Variants in PGAP2 observed in about 807,000 individuals in gnomAD.
PGAP2 encodes acyltransferase PGAP2.
Under a neutral mutation model 33.2 loss-of-function variants are expected in PGAP2, and 21 were observed. The ratio of observed to expected loss-of-function variants is 0.63; its 90% CI spans 0.45 to 0.91. The LOEUF (loss-of-function observed/expected upper bound fraction) is 0.91, where lower values mean the gene tolerates loss of function less well. Ranked by LOEUF, PGAP2 falls within the 40% of genes least tolerant of loss-of-function variation. The pLI is 0.00. For missense variants in PGAP2, 345 were observed against 424.0 expected, an observed-to-expected ratio of 0.81 and a Z score of 1.64; for synonymous variants, 161 against 172.9, an observed-to-expected ratio of 0.93 and a Z score of 0.54.
Position 3,817,337 on chromosome 11 carries a change from C to T in PGAP2, c.166-16C>T. ...TGTCCTACCAGGCCCCAAGTTGTAT[C>T]CCTCGTGCTGCTTAGGCCACGCCCT... On this transcript the variant is annotated splice_polypyrimidine_tract_variant and intron_variant, in intron 2 of 6. Transcript: ENST00000278243. The T allele has an allele frequency of 1.2e-6, 2 of 1,601,258 alleles. No homozygotes were observed. The highest frequency in any genetic ancestry group is 1.7e-6 in the Non-Finnish European group (2 of 1,172,930).
chr11:3,808,642 C>T lies in PGAP2; in HGVS notation c.-20C>T. 1.6e-6 allele frequency: 2 copies of T among 1,279,484 alleles called. No homozygotes were observed. The highest frequency in any genetic ancestry group is 2.0e-6 in the Non-Finnish European group (2 of 1,008,258). 79.3% of individuals were successfully genotyped at this position (1,279,484 alleles called of 1,614,324 possible). A position where few individuals can be genotyped will look rare whatever the true frequency, so the allele number is the denominator to read the frequency against. On this transcript the variant is annotated 5_prime_UTR_variant, in exon 1 of 7. Transcript: ENST00000278243. ...CGGGTTCCGCCGGCACTCTCGCCAC[C>T]ACCGCGTGGGTGAGTATGGGCATGG...
intron 5 of PGAP2, 40 bp from the exon 6 acceptor site, chr11:3,824,980 C>G (rs369838828): frequency 1.9e-6 from 3 of 1,613,188 alleles, no homozygotes; most frequent in Non-Finnish European, 2.5e-6. Flanking sequence ...CGCTCTCATA[C>G]CCAGCAAGCT....
chr11:3,809,672 A>G (rs546026116), intron 1 of PGAP2, among the ~76,000 whole-genome samples: 1 of 152,292 alleles, frequency 6.6e-6, no homozygotes, highest in South Asian at 2.1e-4. Context: ...TTCCCCATCT[A>G]GGGCCCTAAG....
chr11:3,805,268 T>TC (rs1261276681), upstream of PGAP2, among the ~76,000 whole-genome samples: 1 of 150,146 alleles, frequency 6.7e-6, no homozygotes, highest in African/African-American at 2.4e-5. Context: ...TCTTTTTTTT[T>TC]TTTTTTTTTT....
In PGAP2 at chr11:3,825,470, C is replaced by T. The variant is rs376037324; in HGVS notation, c.*12C>T. ...AAAAGCGATTCTGAACCCTTCAGTC[C>T]TGCTTGGGAGGACGCAGCCCACTGC... On this transcript the variant is annotated 3_prime_UTR_variant, in exon 7 of 7. Transcript: ENST00000278243. 5.6e-6 allele frequency: 9 copies of T among 1,610,970 alleles called. No homozygotes were observed. In the African/African-American group the frequency reaches 1.1e-4, roughly 19 times the overall value.
At chr11:3,801,276 A>C (rs2083403980) in intron 1 of PGAP2, among the ~76,000 whole-genome samples, 1 of 152,162 alleles carries the variant, frequency 6.6e-6, no homozygotes, top group South Asian at 2.1e-4. Flanking sequence ...AAAAGAGAGA[A>C]TACATTTAAA....
At position 3,825,095 on chromosome 11, in the gene PGAP2, T is replaced by C. The variant is rs759780867; in HGVS notation, c.784T>C (p.Tyr262His). 1 of 1,614,198 alleles carries C rather than the reference T, an allele frequency of 6.2e-7. No homozygotes were observed. Among genetic ancestry groups the C allele is most frequent in the South Asian group, 1.1e-5 (1 of 91,084 alleles). Residue 262 changes from tyrosine (Y) to histidine (H), a missense_variant, in exon 6 of 7, where the codon TAC becomes CAC. By Grantham distance (83) the Tyr-to-His change is moderately conservative. Coordinates refer to ENST00000278243, the MANE Select transcript of PGAP2 (RefSeq NM_014489.4). Reference protein sequence around the residue: ...FISFFSALAVYFRHNMYCEAG... With the variant: ...FISFFSALAVHFRHNMYCEAG... ...CTCCTTCTTCTCGGCGCTGGCTGTC[T>C]ACTTTCGGCACAACATGTATTGTGA...
Position 3,824,728 on chromosome 11 carries a change from C to A in PGAP2, c.709-292C>A, listed in dbSNP as rs2089693294. The stretch of plus-strand genomic sequence containing the variant: ...CACCCATGTACATGGGTTTCTTTTC[C>A]CCCACAGTATTTGGAGGTGGGGTTG... On this transcript the variant is annotated intron_variant, in intron 5 of 6. Coordinates refer to ENST00000278243, the MANE Select transcript of PGAP2 (RefSeq NM_014489.4). 5 of 1,221,914 alleles carry A rather than the reference C, an allele frequency of 4.1e-6. No individual in the cohort carries two copies. The Admixed American group carries it at 1.5e-4, about 36-fold the overall frequency. 75.7% of individuals were successfully genotyped at this position (1,221,914 alleles called of 1,614,324 possible).
intron 1 of PGAP2, among the ~76,000 whole-genome samples, chr11:3,801,917 C>G (rs1301592666): frequency 6.6e-6 from 1 of 151,990 alleles, no homozygotes; most frequent in Non-Finnish European, 1.5e-5. Flanking sequence ...CATACTCCAG[C>G]CTCAGCCTGT....
At chr11:3,807,813 A>T (rs572355292), upstream of PGAP2, among the ~76,000 whole-genome samples, 1 of 151,892 alleles carries the variant, frequency 6.6e-6, no homozygotes, top group African/African-American at 2.4e-5. Context: ...TGGTCCCTTC[A>T]CCCTCCTTCC....
chr11:3,807,311 T>C (rs1198563144), upstream of PGAP2, among the ~76,000 whole-genome samples: 1 of 24,876 alleles, frequency 4.0e-5, no homozygotes, highest in Non-Finnish European at 2.0e-4. Context: ...TTTCACAGGT[T>C]TTTTTTTTTT....
chr11:3,800,073 A>G (rs1018467394), intron 1 of PGAP2, among the ~76,000 whole-genome samples: 2 of 152,200 alleles, frequency 1.3e-5, no homozygotes, highest in African/African-American at 2.4e-5. Context: ...GAAGAAAATC[A>G]ATATATGGTT....
At chr11:3,797,739 A>G, upstream of PGAP2, 1 of 1,345,650 alleles carries the variant, frequency 7.4e-7, no homozygotes, top group Non-Finnish European at 1.0e-6. Context: ...TCGGGGAGGC[A>G]CAGGGTAGGA....
chr11:3,798,019 G>A, intron 1 of PGAP2: 1 of 1,535,246 alleles, frequency 6.5e-7, no homozygotes, highest in Non-Finnish European at 8.8e-7. Context: ...CGGTCCGCCG[G>A]CGCTGCTGGG....
intron 2 of PGAP2, among the ~76,000 whole-genome samples, chr11:3,815,947 C>G (rs2086906093): frequency 6.6e-6 from 1 of 152,188 alleles, no homozygotes; most frequent in Non-Finnish European, 1.5e-5. Flanking sequence ...CTCTCTTTCC[C>G]TTATTGGAAA....
Position 3,825,653 on chromosome 11 carries a change from T to C in PGAP2, c.*195T>C, listed in dbSNP as rs780058861. The C allele has an allele frequency of 8.6e-6, 4 of 466,350 alleles. No individual in the cohort carries two copies. The highest frequency in any genetic ancestry group is 2.9e-5 in the South Asian group (1 of 34,594). The allele number at this position is 466,350 out of a possible 1,614,324, so 28.9% of individuals were successfully genotyped here. A position where few individuals can be genotyped will look rare whatever the true frequency, so the allele number is the denominator to read the frequency against. ...CTCCACCCCTCATATGGGCGTGGGG[T>C]CCTCAAACATCACCTTTACCTGAGA... On this transcript the variant is annotated 3_prime_UTR_variant, in exon 7 of 7. Coordinates refer to ENST00000278243, the MANE Select transcript of PGAP2 (RefSeq NM_014489.4).
chr11:3,821,831 G>T (rs1279749348), intron 3 of PGAP2, among the ~76,000 whole-genome samples: 2 of 131,366 alleles, frequency 1.5e-5, no homozygotes, highest in Non-Finnish European at 2.9e-5. Flanking sequence ...GAGAGGCCGA[G>T]GGGGGTGGAT....
At chr11:3,803,337 C>T (rs916527939) in intron 1 of PGAP2, among the ~76,000 whole-genome samples, 7 of 147,922 alleles carry the variant, frequency 4.7e-5, no homozygotes, top group African/African-American at 1.5e-4. Flanking sequence ...CCATGTTAGC[C>T]AGGATGGTCT....
chr11:3,810,497 C>T (rs1387552307), intron 1 of PGAP2, among the ~76,000 whole-genome samples: 1 of 152,150 alleles, frequency 6.6e-6, no homozygotes, highest in African/African-American at 2.4e-5. Flanking sequence ...GAAATCACAG[C>T]CCCCAGGAAC....
Sources: gnomAD v4.1 joint callset for allele counts (sites outside exome capture counted in the v4.1 genomes callset) on GRCh38, gnomAD v4.1.1 for gene constraint, MANE v1.5 for transcripts, NCBI Gene and HGNC (gene_info 2026-07-23, HGNC 2026-07-21) for gene names.